The following ENTREP2 variants were observed in gnomAD, a reference collection of about 807,000 sequenced individuals.
ENTREP2 encodes the protein endosomal transmembrane epsin interactor 2, also known as protein ENTREP2.
At chr15:29,231,562 ATC>A in the ENTREP2 span, among the ~76,000 whole-genome samples, 1 of 152,198 alleles carries the variant, frequency 6.6e-6, no homozygotes. Context: ...TGGCTATAAA[ATC>A]TCTGATAGTG....
the ENTREP2 span, among the ~76,000 whole-genome samples, chr15:29,230,128 T>G: frequency 6.6e-6 from 1 of 152,200 alleles, no homozygotes; most frequent in Non-Finnish European, 1.5e-5. Flanking sequence ...ACCTTTCAAC[T>G]ATTTTTAAAA....
At chr15:29,158,646 T>C in the ENTREP2 span, among the ~76,000 whole-genome samples, 2 of 152,148 alleles carry the variant, frequency 1.3e-5, no homozygotes, top group Non-Finnish European at 2.9e-5. Context: ...TTTGAAAGTT[T>C]TATCAGAGTC....
At chr15:29,563,302 T>C in the ENTREP2 span, among the ~76,000 whole-genome samples, 4 of 152,214 alleles carry the variant, frequency 2.6e-5, no homozygotes, top group Admixed American at 2.0e-4. Flanking sequence ...TGAACCTCCT[T>C]TGCCTGTGTC....
At chr15:29,369,391 T>G in the ENTREP2 span, among the ~76,000 whole-genome samples, 1 of 151,676 alleles carries the variant, frequency 6.6e-6, no homozygotes, top group Non-Finnish European at 1.5e-5. Context: ...AGTTTCTCAT[T>G]AGAAAACATG....
the ENTREP2 span, among the ~76,000 whole-genome samples, chr15:29,223,889 G>A: frequency 6.6e-6 from 1 of 152,284 alleles, no homozygotes; most frequent in Non-Finnish European, 1.5e-5. Flanking sequence ...ACTGACAGAC[G>A]TCCCAGTGCA....
the ENTREP2 span, among the ~76,000 whole-genome samples, chr15:29,257,910 C>A: frequency 1.3e-5 from 2 of 151,992 alleles, no homozygotes; most frequent in Non-Finnish European, 2.9e-5. Flanking sequence ...AAAGTTAGGT[C>A]ACATAGAAAG....
At chr15:29,374,991 C>A in the ENTREP2 span, 1 of 152,018 alleles carries the variant, frequency 6.6e-6, no homozygotes, top group Admixed American at 6.5e-5. Flanking sequence ...TAACTGTAAT[C>A]TTTGATTAGA....
the ENTREP2 span, among the ~76,000 whole-genome samples, chr15:29,370,622 T>C: frequency 1.6e-4 from 25 of 151,936 alleles, no homozygotes; most frequent in African/African-American, 5.6e-4. Context: ...CCTGGCTGCA[T>C]ATTGAAATGA....
the ENTREP2 span, among the ~76,000 whole-genome samples, chr15:29,196,213 G>A: frequency 6.6e-6 from 1 of 152,182 alleles, no homozygotes; most frequent in African/African-American, 2.4e-5. Flanking sequence ...GTAGGACAAT[G>A]AAATGGCAAA....
chr15:29,199,513 G>A, the ENTREP2 span, among the ~76,000 whole-genome samples: 1 of 152,182 alleles, frequency 6.6e-6, no homozygotes, highest in Non-Finnish European at 1.5e-5. Flanking sequence ...ACGCTTGATG[G>A]GTAGGACTGT....
the ENTREP2 span, chr15:29,124,841 T>A: frequency 1.6e-6 from 2 of 1,228,460 alleles, no homozygotes; most frequent in Non-Finnish European, 1.2e-6. Flanking sequence ...CGCCTGTGAC[T>A]AAGACATTTT....
the ENTREP2 span, among the ~76,000 whole-genome samples, chr15:29,136,074 A>T: frequency 2.0e-5 from 3 of 152,224 alleles, no homozygotes; most frequent in East Asian, 5.8e-4. Context: ...TAAGGGGAAA[A>T]GCACCAGCAC....
At chr15:29,255,753 G>A in the ENTREP2 span, among the ~76,000 whole-genome samples, 7 of 152,154 alleles carry the variant, frequency 4.6e-5, no homozygotes, top group African/African-American at 1.7e-4. Flanking sequence ...TGTAATCCCA[G>A]CACTTTGGGG....
chr15:29,263,395 T>C, the ENTREP2 span, among the ~76,000 whole-genome samples: 2 of 152,194 alleles, frequency 1.3e-5, no homozygotes, highest in Non-Finnish European at 2.9e-5. Context: ...TTCCATGTCC[T>C]GGGAGAGGCC....
chr15:29,119,672 C>CAAAAAAA, the ENTREP2 span, among the ~76,000 whole-genome samples: 6 of 101,608 alleles, frequency 5.9e-5, no homozygotes, highest in African/African-American at 3.4e-4. Context: ...ACAATTCTAG[C>CAAAAAAA]AAAAAAAAAA....
At chr15:29,325,517 C>T in the ENTREP2 span, among the ~76,000 whole-genome samples, 1 of 152,044 alleles carries the variant, frequency 6.6e-6, no homozygotes, top group Non-Finnish European at 1.5e-5. Context: ...GGACTAATTC[C>T]TTGAAACATA....
the ENTREP2 span, among the ~76,000 whole-genome samples, chr15:29,328,422 T>A: frequency 2.0e-5 from 3 of 152,228 alleles, no homozygotes; most frequent in African/African-American, 7.2e-5. Context: ...ATATGCTAAC[T>A]TTTAAAAAGT....
At chr15:29,369,129 C>T in the ENTREP2 span, among the ~76,000 whole-genome samples, 7 of 151,960 alleles carry the variant, frequency 4.6e-5, no homozygotes, top group Admixed American at 1.3e-4. Context: ...AGTATATCAA[C>T]AGGAGAGGAG....
chr15:29,165,117 G>A, the ENTREP2 span, among the ~76,000 whole-genome samples: 103 of 152,070 alleles, frequency 6.8e-4, no homozygotes, highest in African/African-American at 2.3e-3. Context: ...AAAATTCTTC[G>A]AACTGAACGA....
Sources: allele counts gnomAD v4.1 joint callset (sites outside exome capture counted in the v4.1 genomes callset), GRCh38; gene constraint gnomAD v4.1.1; transcripts MANE v1.5; gene names NCBI Gene and HGNC (gene_info 2026-07-23, HGNC 2026-07-21).